The following PHF8 variants were observed in gnomAD, a reference collection of about 807,000 sequenced individuals.
PHF8 encodes histone lysine demethylase PHF8.
Under a neutral mutation model 74.4 loss-of-function variants are expected in PHF8, and 9 were observed. The ratio of observed to expected loss-of-function variants is 0.12; its 90% CI spans 0.07 to 0.21. The LOEUF (loss-of-function observed/expected upper bound fraction) is 0.21, where lower values mean the gene tolerates loss of function less well. PHF8 is among the 10% of genes least tolerant of loss of function. The probability of loss-of-function intolerance (pLI) is 1.00; values close to 1 mark genes in which losing one functional copy is unlikely to be tolerated. For synonymous variants in PHF8, 311 were observed against 316.6 expected (o/e 0.98, Z 0.19); for missense variants, 478 against 816.6 (o/e 0.59, Z 5.05).
At chrX:53,953,606 T>G (rs1302539427) in intron 19 of PHF8, among the ~76,000 whole-genome samples, 1 of 100,760 alleles carries the variant, frequency 9.9e-6, no homozygotes, top group African/African-American at 3.7e-5. Flanking sequence ...ATCGCGTTGC[T>G]GCATTTCAGC....
chrX:54,017,126 G>T (rs1478322962), intron 5 of PHF8, among the ~76,000 whole-genome samples: 1 of 112,864 alleles, frequency 8.9e-6, no homozygotes, highest in Admixed American at 9.4e-5. Flanking sequence ...GGTAAAAAAC[G>T]GAGCTCAACC....
intron 6 of PHF8, among the ~76,000 whole-genome samples, chrX:54,015,023 C>A (rs1557107645): frequency 8.9e-6 from 1 of 112,042 alleles, no homozygotes; most frequent in African/African-American, 3.2e-5. Context: ...TACAATACTG[C>A]ACTCCTCTCT....
intron 18 of PHF8, among the ~76,000 whole-genome samples, chrX:53,971,644 G>A (rs2065292597): frequency 1.8e-5 from 2 of 111,348 alleles, no homozygotes; most frequent in African/African-American, 6.5e-5. Context: ...AAATGATAAG[G>A]GAGATATCAC....
At position 53,951,191 on chromosome X, in the gene PHF8, G is replaced by A. The variant is rs781788372; in HGVS notation, c.2540-6948C>T. On this transcript the variant is annotated intron_variant, in intron 19 of 21. Coordinates refer to ENST00000338154, the MANE Select transcript of PHF8 (RefSeq NM_015107.3). Reference sequence around the variant, plus strand: ...CAAACTTCCCTAGAGGGTTTCAATAGCACATTTGAGCAGGTAGAAGGAAGA... The same window carrying A: ...CAAACTTCCCTAGAGGGTTTCAATAACACATTTGAGCAGGTAGAAGGAAGA... Among the ~76,000 whole-genome samples the A allele has an allele frequency of 5.3e-5, 6 of 112,161 alleles. No individual in the cohort carries two copies. The South Asian group carries it at 2.2e-3, about 41-fold the overall frequency.
At chrX:54,004,997 A>T (rs2065876625) in intron 8 of PHF8, among the ~76,000 whole-genome samples, 1 of 111,185 alleles carries the variant, frequency 9.0e-6, no homozygotes, top group Admixed American at 9.7e-5. Flanking sequence ...CAACAGAAGA[A>T]AGAAACAGAA....
intron 18 of PHF8, among the ~76,000 whole-genome samples, chrX:53,970,178 A>G (rs1322860396): frequency 8.9e-6 from 1 of 112,247 alleles, no homozygotes; most frequent in Non-Finnish European, 1.9e-5. Context: ...AACAATCAAC[A>G]AAGTGCAGAG....
At chrX:53,939,626 G>C (rs2064718772) in intron 21 of PHF8, among the ~76,000 whole-genome samples, 1 of 111,114 alleles carries the variant, frequency 9.0e-6, no homozygotes, top group Admixed American at 9.6e-5. Context: ...CAGTGTCCCT[G>C]AAGTTGCCAT....
At chrX:54,020,471 C>T (rs193042050) in intron 4 of PHF8, among the ~76,000 whole-genome samples, 1 of 111,208 alleles carries the variant, frequency 9.0e-6, no homozygotes, top group East Asian at 2.8e-4. Flanking sequence ...AAAAGAACAT[C>T]TGTATGTGCT....
chrX:54,021,876 G>C (rs1247272785), intron 4 of PHF8, among the ~76,000 whole-genome samples: 1 of 111,441 alleles, frequency 9.0e-6, no homozygotes, highest in African/African-American at 3.3e-5. Flanking sequence ...CTTATTTCAT[G>C]TAATTTACTT....
rs782284819 is a variant in PHF8 at position 54,004,406 on chromosome X, T to C, written c.947-1724A>G. Among the ~76,000 whole-genome samples the C allele has an allele frequency of 7.2e-5, 8 of 111,274 alleles. No homozygotes were observed. In the South Asian group the frequency reaches 2.6e-3, roughly 36 times the overall value. ...GAAATCGTATCAATAATATTGATAATTGAAGAGAAAAACAGACTTGTAAAA... is the reference window on the plus strand; with the variant it reads ...GAAATCGTATCAATAATATTGATAACTGAAGAGAAAAACAGACTTGTAAAA... On this transcript the variant is annotated intron_variant, in intron 8 of 21. Coordinates refer to ENST00000338154, the MANE Select transcript of PHF8 (RefSeq NM_015107.3).
chrX:54,044,865 G>C, upstream of PHF8: 5 of 1,153,685 alleles, frequency 4.3e-6, no homozygotes, highest in Non-Finnish European at 5.8e-6. Flanking sequence ...GGTAGAGGCG[G>C]AGTACTCACC....
Position 54,011,272 on chromosome X carries a change from A to T in PHF8, c.796T>A (p.Phe266Ile), listed in dbSNP as rs1469862896. ...GCATTTGTTGGGCGGATCAGGTAGA[A>T]GATCTTTTCACCCTGAAACAAAAAG... Reference protein sequence around the residue: ...WYHVLKGEKIFYLIRPTNANL... With the variant: ...WYHVLKGEKIIYLIRPTNANL... The change falls in exon 8 of 22, where the codon TTC becomes ATC. Residue 266 changes from phenylalanine (F) to isoleucine (I), a missense_variant. Physicochemically the swap from Phe to Ile is conservative, Grantham distance 21 (BLOSUM62 0). Around this residue, in one of 9 missense-constraint regions of PHF8, gnomAD observed 70 missense variants for 234.1 expected, o/e 0.30. Transcript: ENST00000338154. The T allele has an allele frequency of 8.3e-7, 1 of 1,208,271 alleles. No homozygotes were observed. The highest frequency in any genetic ancestry group is 1.1e-6 in the Non-Finnish European group (1 of 893,526).
intron 2 of PHF8, among the ~76,000 whole-genome samples, chrX:54,032,738 G>A (rs1557112926): frequency 1.9e-5 from 2 of 107,228 alleles, no homozygotes; most frequent in African/African-American, 6.8e-5. Flanking sequence ...ACAATGCCTG[G>A]CACATAGCAC....
chrX:53,961,805 C>A (rs1036078574), intron 19 of PHF8, among the ~76,000 whole-genome samples: 10 of 111,021 alleles, frequency 9.0e-5, no homozygotes, highest in African/African-American at 3.3e-4. Flanking sequence ...TCCCAATGAC[C>A]TCTATGGCAG....
chrX:54,042,495 A>G, intron 2 of PHF8, 136 bp downstream of exon 2: 1 of 542,499 alleles, frequency 1.8e-6, no homozygotes, highest in South Asian at 2.5e-5. Context: ...CCTGTTCTGC[A>G]AGGAGAGATG....
At chrX:53,951,543 A>G (rs1460888511) in intron 19 of PHF8, among the ~76,000 whole-genome samples, 4 of 110,019 alleles carry the variant, frequency 3.6e-5, no homozygotes, top group Non-Finnish European at 1.9e-5. Flanking sequence ...CTCTGCCGCC[A>G]GGGTTAACGC....
At chrX:54,002,077 G>A (rs1557104346) in intron 10 of PHF8, 78 bp downstream of exon 10, 4 of 561,745 alleles carry the variant, frequency 7.1e-6, no homozygotes, top group South Asian at 4.7e-5. Context: ...TGTCTTGACT[G>A]CGTTACTTAC....
chrX:53,990,232 C>T (rs1342208144), intron 14 of PHF8, among the ~76,000 whole-genome samples: 2 of 111,880 alleles, frequency 1.8e-5, no homozygotes, highest in Non-Finnish European at 3.8e-5. Context: ...ATACCTATCA[C>T]TCAGCTAAGT....
intron 18 of PHF8, among the ~76,000 whole-genome samples, chrX:53,972,163 A>T (rs1557094760): frequency 1.8e-5 from 2 of 109,377 alleles, no homozygotes; most frequent in African/African-American, 6.7e-5. Context: ...TCTCTACTAA[A>T]AATAGAAAAA....
Sources: allele counts gnomAD v4.1 joint callset (sites outside exome capture counted in the v4.1 genomes callset), GRCh38; gene constraint gnomAD v4.1.1; regional missense constraint gnomAD v4.1.1; transcripts MANE v1.5; gene names NCBI Gene and HGNC (gene_info 2026-07-23, HGNC 2026-07-21).